Variants in SLC14A2 observed in about 807,000 individuals in gnomAD.
SLC14A2 encodes the protein urea transporter 2.
SLC14A2 carries 91 observed loss-of-function variants against 104.6 expected under a neutral mutation model. That is an observed-to-expected ratio of 0.87 (90% CI 0.73 to 1.04). The LOEUF is 1.04. Ranked by LOEUF, SLC14A2 falls within the 50% of genes least tolerant of loss-of-function variation. SLC14A2 has a pLI of 0.00. For missense variants in SLC14A2, 1,189 were observed against 1,156.0 expected (o/e 1.03, Z -0.41); for synonymous variants, 476 against 466.4 (o/e 1.02, Z -0.27).
exon 1 of SLC14A2, chr18:45,212,999 G>A (rs1243894534): frequency 1.3e-5 from 2 of 152,498 alleles, no homozygotes; most frequent in Non-Finnish European, 2.9e-5. Context: ...CATTTTGTAA[G>A]CTGCCTCCAT....
intron 2 of SLC14A2, chr18:45,529,521 C>T (rs996827069): frequency 7.9e-5 from 12 of 152,234 alleles, no homozygotes; most frequent in South Asian, 2.1e-4. Flanking sequence ...CATATTATGC[C>T]GAGCGCATAT....
In SLC14A2 at chr18:45,388,064, C is replaced by CTTTTT. The variant is rs58962313; in HGVS notation, c.-124-95143_-124-95139dup. Among the ~76,000 whole-genome samples the CTTTTT allele has an allele frequency of 1.2e-4, 8 of 69,092 alleles. 1 individual carries two copies. Among genetic ancestry groups the CTTTTT allele is most frequent in the Non-Finnish European group, 2.0e-4 (8 of 39,522 alleles). 45.3% of individuals were successfully genotyped at this position (69,092 alleles called of 152,430 possible). On this transcript the variant is annotated intron_variant, in intron 1 of 20. Coordinates refer to the SLC14A2 transcript ENST00000586448. Reference sequence around the variant, plus strand: ...TGCCCTAAGCTCACCTTGCTCATATCTTTTTTTTTTTTTTTTTTTTTTTTT... The same window carrying CTTTTT: ...TGCCCTAAGCTCACCTTGCTCATATCTTTTTTTTTTTTTTTTTTTTTTTTTTTTTT...
intron 2 of SLC14A2, among the ~76,000 whole-genome samples, chr18:45,576,370 G>A (rs745394795): frequency 3.6e-5 from 5 of 139,118 alleles, no homozygotes; most frequent in African/African-American, 5.3e-5. Flanking sequence ...TGTAACCTCC[G>A]CCTCCCAGGT....
At chr18:45,270,674 TAAAG>T (rs1223448309) in intron 1 of SLC14A2, among the ~76,000 whole-genome samples, 10 of 152,112 alleles carry the variant, frequency 6.6e-5, no homozygotes, top group Non-Finnish European at 4.4e-5. Context: ...CTGGCACTGA[TAAAG>T]AAAACTGATA....
Position 45,428,731 on chromosome 18 carries a change from C to T in SLC14A2, c.-124-54502C>T, listed in dbSNP as rs140689108. Reference sequence around the variant, plus strand: ...AGTTTAATGACAGAATGGACCAACCCTTGAGACTGCATTACAAAACAGCCT... The same window carrying T: ...AGTTTAATGACAGAATGGACCAACCTTTGAGACTGCATTACAAAACAGCCT... On this transcript the variant is annotated intron_variant, in intron 1 of 20. Coordinates refer to the SLC14A2 transcript ENST00000586448. 8.6e-3 allele frequency among the ~76,000 whole-genome samples: 1,317 copies of T among 152,290 alleles called. 19 individuals are homozygous for T. The highest frequency in any genetic ancestry group is 0.073 in the South Asian group (354 of 4,820).
At chr18:45,663,449 C>T (rs1567999583) in intron 10 of SLC14A2, among the ~76,000 whole-genome samples, 1 of 152,174 alleles carries the variant, frequency 6.6e-6, no homozygotes, top group Non-Finnish European at 1.5e-5. Context: ...CAGATGAAGT[C>T]CAAGACGCTG....
intron 1 of SLC14A2, among the ~76,000 whole-genome samples, chr18:45,470,277 A>G (rs1156377364): frequency 6.6e-6 from 1 of 152,080 alleles, no homozygotes; most frequent in Non-Finnish European, 1.5e-5. Context: ...TAAGATTTCT[A>G]GTTTTGTTTT....
intron 18 of SLC14A2, among the ~76,000 whole-genome samples, chr18:45,675,154 T>C (rs1354044414): frequency 2.0e-5 from 3 of 152,248 alleles, no homozygotes; most frequent in African/African-American, 7.2e-5. Context: ...CCAATGAGCC[T>C]GACGATCTCA....
chr18:45,624,533 C>CA, intron 1 of SLC14A2, 98 bp from the exon 2 acceptor site: 1 of 794,848 alleles, frequency 1.3e-6, no homozygotes, highest in Middle Eastern at 3.1e-4. Context: ...TGTCACTGTC[C>CA]AACCCCCAGG....
the SLC14A2 span, among the ~76,000 whole-genome samples, chr18:45,170,713 A>G: frequency 1.3e-5 from 2 of 152,164 alleles, no homozygotes; most frequent in Admixed American, 1.3e-4. Context: ...CTGCTCTGGA[A>G]CCAGTGTTAA....
the SLC14A2 span, among the ~76,000 whole-genome samples, chr18:45,194,882 G>T: frequency 6.6e-6 from 1 of 151,926 alleles, no homozygotes; most frequent in Non-Finnish European, 1.5e-5. Context: ...CCGACCTCGT[G>T]ATCTGCCTGC....
At chr18:45,383,433 A>G (rs925171223) in intron 1 of SLC14A2, among the ~76,000 whole-genome samples, 1 of 152,136 alleles carries the variant, frequency 6.6e-6, no homozygotes, top group African/African-American at 2.4e-5. Context: ...ATGGTCTTAG[A>G]GATTATCCAG....
chr18:45,586,514 TACTTCTGGCTGCTG>T (rs543059284), intron 2 of SLC14A2, among the ~76,000 whole-genome samples: 144 of 152,338 alleles, frequency 9.5e-4, no homozygotes, highest in African/African-American at 3.2e-3. Context: ...TTGCAAAGGA[TACTTCTGGCTGCTG>T]AATGGAGAAT....
At chr18:45,372,919 T>A (rs2085738074) in intron 1 of SLC14A2, among the ~76,000 whole-genome samples, 1 of 152,242 alleles carries the variant, frequency 6.6e-6, no homozygotes, top group Non-Finnish European at 1.5e-5. Context: ...TTACATTCTT[T>A]TTTCATGTTA....
chr18:45,374,327 C>G (rs901691090), intron 1 of SLC14A2, among the ~76,000 whole-genome samples: 1 of 152,302 alleles, frequency 6.6e-6, no homozygotes, highest in Non-Finnish European at 1.5e-5. Flanking sequence ...TGCATCTATG[C>G]AAATATAACA....
At chr18:45,518,561 G>A (rs1285541179) in intron 2 of SLC14A2, among the ~76,000 whole-genome samples, 1 of 152,196 alleles carries the variant, frequency 6.6e-6, no homozygotes, top group African/African-American at 2.4e-5. Context: ...GCTGAGTCAT[G>A]TCAGAGAGAA....
At chr18:45,653,290 C>A in intron 10 of SLC14A2, among the ~76,000 whole-genome samples, 1 of 152,104 alleles carries the variant, frequency 6.6e-6, no homozygotes, top group Non-Finnish European at 1.5e-5. Context: ...TGCTTTCCTT[C>A]CTCACAAGGC....
chr18:45,330,190 C>T (rs957571448), intron 1 of SLC14A2, among the ~76,000 whole-genome samples: 2 of 152,156 alleles, frequency 1.3e-5, no homozygotes, highest in African/African-American at 4.8e-5. Context: ...TCCCAGCCAG[C>T]TCATTCAGTA....
chr18:45,478,457 A>T (rs1463376950), intron 1 of SLC14A2, among the ~76,000 whole-genome samples: 7 of 152,184 alleles, frequency 4.6e-5, no homozygotes, highest in Admixed American at 4.6e-4. Flanking sequence ...TGTCTATGAT[A>T]GTTTGCTTGG....
Sources: allele counts gnomAD v4.1 joint callset (sites outside exome capture counted in the v4.1 genomes callset), GRCh38; gene constraint gnomAD v4.1.1; transcripts MANE v1.5; gene names NCBI Gene and HGNC (gene_info 2026-07-23, HGNC 2026-07-21).